Variants in ZNF567 observed in about 807,000 individuals in gnomAD.
ZNF567 encodes zinc finger protein 567.
ZNF567 carries 36 observed loss-of-function variants against 53.9 expected under a neutral mutation model. That is an observed-to-expected ratio of 0.67 (90% CI 0.51 to 0.88). The LOEUF (loss-of-function observed/expected upper bound fraction) is 0.88. Among genes scored for constraint, ZNF567 ranks in the 40% least tolerant of loss-of-function variants. The pLI, the probability that ZNF567 is intolerant of heterozygous loss-of-function variation, is 0.00. For missense variants in ZNF567, 619 were observed against 764.7 expected, an observed-to-expected ratio of 0.81 and a Z score of 2.25; for synonymous variants, 224 against 260.4, an observed-to-expected ratio of 0.86 and a Z score of 1.35.
At chr19:36,674,461 A>C in the ZNF567 span, among the ~76,000 whole-genome samples, 1 of 152,224 alleles carries the variant, frequency 6.6e-6, no homozygotes, top group Non-Finnish European at 1.5e-5. Flanking sequence ...TATGCCTTAC[A>C]GATTAGAGTC....
chr19:36,720,589 G>A lies in ZNF567; in HGVS notation c.1865G>A (p.Cys622Tyr). The change falls in exon 6 of 6, where the codon TGT becomes TAT. Residue 622 changes from cysteine to tyrosine, a missense_variant. Physicochemically the swap from Cys to Tyr is radical, Grantham distance 194. Coordinates refer to ENST00000682579, the MANE Select transcript of ZNF567 (RefSeq NM_001322917.1). ...TGEKPYVCNE[C>Y]GKSFSYKRNL... is the part of the protein sequence containing the mutation. ...GAGAAACCCTATGTTTGTAATGAGT[G>A]TGGTAAGTCTTTCAGTTATAAGAGA... The A allele has an allele frequency of 1.9e-6, 3 of 1,609,064 alleles. No individual in the cohort carries two copies. The highest frequency in any genetic ancestry group is 2.5e-6 in the Non-Finnish European group (3 of 1,177,936).
rs745326808 is a variant in ZNF567, at chr19:36,720,391, C to G, written c.1667C>G (p.Thr556Ser). The change falls in exon 6 of 6, where the codon ACC becomes AGC. Residue 556 changes from threonine to serine, a missense_variant. Physicochemically the swap from Thr to Ser is moderately conservative, Grantham distance 58 (BLOSUM62 1). Transcript: ENST00000682579. Reference sequence around the variant, plus strand: ...CTCACTGTACATCAGAAAATACATACCGGCCAGAAATCCTATGAATGTCCT... The same window carrying G: ...CTCACTGTACATCAGAAAATACATAGCGGCCAGAAATCCTATGAATGTCCT... Reference protein sequence around the residue: ...ATLTVHQKIHTGQKSYECPQC... With the variant: ...ATLTVHQKIHSGQKSYECPQC... 1.3e-5 allele frequency: 21 copies of G among 1,613,918 alleles called. No homozygotes were observed. The highest frequency in any genetic ancestry group is 1.7e-5 in the Non-Finnish European group (20 of 1,180,020).
At chr19:36,667,060 C>T in the ZNF567 span, among the ~76,000 whole-genome samples, 1 of 152,174 alleles carries the variant, frequency 6.6e-6, no homozygotes, top group African/African-American at 2.4e-5. Flanking sequence ...CTCAAGGCGG[C>T]CTCCGCGGGC....
downstream of ZNF567, chr19:36,727,011 C>CTTTCTTTCTTTCTTTCTTTCCT (rs1555809310): frequency 4.1e-5 from 1 of 24,334 alleles, no homozygotes; most frequent in Non-Finnish European, 1.1e-4. Context: ...TCTTTCTTTC[C>CTTTCTTTCTTTCTTTCTTTCCT]TTTTTTTTTT....
chr19:36,714,301 A>G, intron 5 of ZNF567: 1 of 326,162 alleles, frequency 3.1e-6, no homozygotes, highest in Non-Finnish European at 5.5e-6. Flanking sequence ...AGCTGGGATT[A>G]CAGGTGCGCA....
chr19:36,668,804 G>C, the ZNF567 span: 17 of 152,166 alleles, frequency 1.1e-4, no homozygotes, highest in African/African-American at 3.9e-4. Flanking sequence ...TTCTGCTTGT[G>C]TCTGATTCTC....
intron 2 of ZNF567, among the ~76,000 whole-genome samples, chr19:36,692,736 C>T (rs913325836): frequency 3.3e-5 from 5 of 152,056 alleles, no homozygotes; most frequent in Non-Finnish European, 7.4e-5. Context: ...ATTGTGGAGA[C>T]GCTAGGTGAA....
chr19:36,690,794 T>G (rs2038563227), intron 2 of ZNF567, among the ~76,000 whole-genome samples: 1 of 152,164 alleles, frequency 6.6e-6, no homozygotes, highest in Admixed American at 6.5e-5. Context: ...GATGGATGAA[T>G]TTTATGGTGT....
intron 1 of ZNF567, among the ~76,000 whole-genome samples, chr19:36,688,129 C>T (rs1229876361): frequency 6.6e-6 from 1 of 151,998 alleles, no homozygotes; most frequent in African/African-American, 2.4e-5. Flanking sequence ...AGCCTGTGTC[C>T]GACTCTGGAG....
upstream of ZNF567, chr19:36,686,660 C>T (rs937486291): frequency 2.6e-5 from 4 of 152,184 alleles, no homozygotes; most frequent in African/African-American, 4.8e-5. Context: ...GACGTCTTCC[C>T]AGAACTCTGC....
Position 36,713,188 on chromosome 19 carries a change from C to T in ZNF567, c.223+321C>T, listed in dbSNP as rs1253947207. 2.0e-5 allele frequency among the ~76,000 whole-genome samples: 3 copies of T among 152,006 alleles called. No homozygotes were observed. In the East Asian group the frequency reaches 5.8e-4, roughly 29 times the overall value. On this transcript the variant is annotated intron_variant, in intron 5 of 5. Coordinates refer to ENST00000682579, the MANE Select transcript of ZNF567 (RefSeq NM_001322917.1). ...AATTAGCCAAGGTTGGGTGTGGTGGCTCACACCTTTCATCCCAGCACTTTG... is the reference window on the plus strand; with the variant it reads ...AATTAGCCAAGGTTGGGTGTGGTGGTTCACACCTTTCATCCCAGCACTTTG...
Position 36,720,829 on chromosome 19 carries a change from A to G in ZNF567, c.*161A>G. The G allele has an allele frequency of 3.5e-6, 2 of 577,086 alleles. No homozygotes were observed. The highest frequency in any genetic ancestry group is 5.1e-5 in the South Asian group (1 of 19,534). 35.7% of individuals were successfully genotyped at this position (577,086 alleles called of 1,614,324 possible). On this transcript the variant is annotated 3_prime_UTR_variant, in exon 6 of 6. Coordinates refer to ENST00000682579, the MANE Select transcript of ZNF567 (RefSeq NM_001322917.1). ...TGTCTACTGTTTACTAGCATATAAA[A>G]TAAGTATGATCATTATTATTGAACT... is the stretch of plus-strand genomic sequence containing the variant.
intron 2 of ZNF567, 145 bp from the exon 3 acceptor site, chr19:36,694,657 G>A: frequency 2.1e-6 from 1 of 482,718 alleles, no homozygotes; most frequent in South Asian, 4.0e-5. Context: ...TGCCTAGCTG[G>A]TTGTCCCATC....
In ZNF567 at chr19:36,720,708, T is replaced by A. The variant is rs2040272632; in HGVS notation, c.*40T>A. 6.8e-7 allele frequency: 1 copy of A among 1,480,518 alleles called. No individual in the cohort carries two copies. The highest frequency in any genetic ancestry group is 2.4e-5 in the Admixed American group (1 of 41,386). The allele number at this position is 1,480,518 out of a possible 1,614,324, so 91.7% of individuals were successfully genotyped here. A position where few individuals can be genotyped will look rare whatever the true frequency, so the allele number is the denominator to read the frequency against. Reference sequence around the variant, plus strand: ...TATATGAATTCTTTACAAGCTGTTGTAAACATTTAGTTTTAAAAAGAAAAG... The same window carrying A: ...TATATGAATTCTTTACAAGCTGTTGAAAACATTTAGTTTTAAAAAGAAAAG... On this transcript the variant is annotated 3_prime_UTR_variant, in exon 6 of 6. Coordinates refer to ENST00000682579, the MANE Select transcript of ZNF567 (RefSeq NM_001322917.1).
chr19:36,670,665 T>C, the ZNF567 span, among the ~76,000 whole-genome samples: 1 of 152,222 alleles, frequency 6.6e-6, no homozygotes, highest in African/African-American at 2.4e-5. Context: ...ATCCTTGTTA[T>C]TTAAAACCAC....
rs1322252408 is a variant in ZNF567 at position 36,719,209 on chromosome 19, A to G, written c.485A>G (p.Tyr162Cys). Residue 162 changes from tyrosine (Y) to cysteine (C), a missense_variant, in exon 6 of 6, where the codon TAT (tyrosine) becomes TGT (cysteine). By Grantham distance (194) the Tyr-to-Cys change is radical. Coordinates refer to ENST00000682579, the MANE Select transcript of ZNF567 (RefSeq NM_001322917.1). ...CCTGCAAGAAAGAGACTTAGTGAGT[A>G]TAATGGATATGGGAAATCACTCCTG... Reference protein sequence around the residue: ...LNPARKRLSEYNGYGKSLLST... With the variant: ...LNPARKRLSECNGYGKSLLST... The G allele has an allele frequency of 4.3e-6, 7 of 1,613,932 alleles. No individual in the cohort carries two copies. The highest frequency in any genetic ancestry group is 5.9e-6 in the Non-Finnish European group (7 of 1,180,006).
At chr19:36,673,634 G>C in the ZNF567 span, among the ~76,000 whole-genome samples, 20 of 152,084 alleles carry the variant, frequency 1.3e-4, 1 homozygote, top group Non-Finnish European at 1.5e-5. Flanking sequence ...CTCCACAATT[G>C]CATGAGCCAG....
the ZNF567 span, among the ~76,000 whole-genome samples, chr19:36,672,495 C>A: frequency 6.6e-6 from 1 of 152,236 alleles, no homozygotes; most frequent in East Asian, 1.9e-4. Context: ...TTATCATCAC[C>A]CAATTGGCTC....
intron 1 of ZNF567, among the ~76,000 whole-genome samples, chr19:36,687,874 G>C (rs929633565): frequency 6.6e-6 from 1 of 152,196 alleles, no homozygotes. Flanking sequence ...TGCCCGAGGC[G>C]GGGGGTGAGC....
Sources: gnomAD v4.1 joint callset for allele counts (sites outside exome capture counted in the v4.1 genomes callset) on GRCh38, gnomAD v4.1.1 for gene constraint, MANE v1.5 for transcripts, NCBI Gene and HGNC (gene_info 2026-07-23, HGNC 2026-07-21) for gene names.